NTM: variants seen among roughly 807,000 people sequenced by gnomAD.
NTM encodes IgLON family member 2.
In NTM, 13 loss-of-function variants were observed where a neutral mutation model predicts 42.1. That is an observed-to-expected ratio of 0.31 (90% CI 0.20 to 0.49). The LOEUF (loss-of-function observed/expected upper bound fraction) is 0.49, where lower values mean the gene tolerates loss of function less well. NTM is among the 20% of genes least tolerant of loss of function. The pLI, the probability that NTM is intolerant of heterozygous loss-of-function variation, is 0.99. For synonymous variants in NTM, 187 were observed against 179.2 expected, an observed-to-expected ratio of 1.04 and a Z score of -0.35; for missense variants, 373 against 452.8, an observed-to-expected ratio of 0.82 and a Z score of 1.60.
chr11:131,505,678 A>T, intron 1 of NTM, among the ~76,000 whole-genome samples: 1 of 152,164 alleles, frequency 6.6e-6, no homozygotes, highest in African/African-American at 2.4e-5. Context: ...CAGTGTTCAC[A>T]CTCACGCACA....
chr11:131,530,938 G>A (rs928412080), intron 1 of NTM, among the ~76,000 whole-genome samples: 1 of 152,194 alleles, frequency 6.6e-6, no homozygotes. Flanking sequence ...AGTAGTGGGA[G>A]GTAGGGATGA....
chr11:131,691,920 T>A (rs890787112), intron 1 of NTM, among the ~76,000 whole-genome samples: 1 of 152,128 alleles, frequency 6.6e-6, no homozygotes, highest in Non-Finnish European at 1.5e-5. Context: ...AATGAAGAAG[T>A]TGAACACTAT....
intron 1 of NTM, among the ~76,000 whole-genome samples, chr11:131,751,798 G>A (rs901822365): frequency 7.1e-5 from 8 of 113,058 alleles, no homozygotes; most frequent in Non-Finnish European, 3.2e-5. Context: ...ATTACCATTT[G>A]TAGCTATATA....
At chr11:132,022,772 G>A (rs920334606) in intron 2 of NTM, among the ~76,000 whole-genome samples, 2 of 152,216 alleles carry the variant, frequency 1.3e-5, no homozygotes, top group African/African-American at 4.8e-5. Flanking sequence ...TACAGCAGGA[G>A]GAATCTAAGA....
At chr11:131,910,638 G>T (rs888059041) in intron 1 of NTM, among the ~76,000 whole-genome samples, 1 of 150,510 alleles carries the variant, frequency 6.6e-6, no homozygotes. Flanking sequence ...GGAGGAAGGC[G>T]GCGCGGAGGC....
intron 1 of NTM, among the ~76,000 whole-genome samples, chr11:131,858,579 C>T (rs2046327902): frequency 6.6e-6 from 1 of 152,118 alleles, no homozygotes; most frequent in Admixed American, 6.5e-5. Flanking sequence ...AATATAAAAT[C>T]GGATGGTAAG....
At chr11:131,830,031 AT>A (rs1276940620) in intron 1 of NTM, among the ~76,000 whole-genome samples, 1 of 151,918 alleles carries the variant, frequency 6.6e-6, no homozygotes, top group Non-Finnish European at 1.5e-5. Flanking sequence ...AAATGGGGTT[AT>A]TTTTTGCTTT....
chr11:132,068,382 T>C (rs1266601839), intron 2 of NTM, among the ~76,000 whole-genome samples: 2 of 152,010 alleles, frequency 1.3e-5, no homozygotes, highest in African/African-American at 4.8e-5. Flanking sequence ...AAAGTTTTGC[T>C]TTACACTAAC....
chr11:131,373,948 G>T (rs56229414), intron 1 of NTM, among the ~76,000 whole-genome samples: 2 of 152,120 alleles, frequency 1.3e-5, no homozygotes, highest in Non-Finnish European at 2.9e-5. Flanking sequence ...GGTGGGCGCC[G>T]TTCGGCTGGG....
At chr11:132,033,282 T>G (rs1336083966) in intron 2 of NTM, among the ~76,000 whole-genome samples, 1 of 152,204 alleles carries the variant, frequency 6.6e-6, no homozygotes, top group African/African-American at 2.4e-5. Context: ...ATGTAAGGTT[T>G]TATTTTTGTC....
chr11:131,461,476 A>G (rs558189995), intron 1 of NTM, among the ~76,000 whole-genome samples: 2 of 152,348 alleles, frequency 1.3e-5, no homozygotes, highest in East Asian at 3.9e-4. Flanking sequence ...GAGACCTATG[A>G]ACATGCAGAA....
At chr11:131,882,655 A>G (rs1214788048) in intron 1 of NTM, among the ~76,000 whole-genome samples, 2 of 152,072 alleles carry the variant, frequency 1.3e-5, no homozygotes, top group Non-Finnish European at 2.9e-5. Context: ...TGAGCCTTCC[A>G]TGATGGGAGA....
At chr11:131,963,925 G>T (rs1272775636) in intron 2 of NTM, among the ~76,000 whole-genome samples, 1 of 152,152 alleles carries the variant, frequency 6.6e-6, no homozygotes, top group African/African-American at 2.4e-5. Flanking sequence ...CCAAGCCCAG[G>T]TAGTTTCTGA....
intron 1 of NTM, among the ~76,000 whole-genome samples, chr11:131,718,964 T>C (rs1259849266): frequency 1.3e-5 from 2 of 152,142 alleles, no homozygotes; most frequent in African/African-American, 4.8e-5. Flanking sequence ...TCAGATTGGG[T>C]ATCCCTTTGT....
At chr11:132,234,128 G>T (rs983099840) in intron 4 of NTM, among the ~76,000 whole-genome samples, 2 of 152,162 alleles carry the variant, frequency 1.3e-5, no homozygotes, top group Non-Finnish European at 1.5e-5. Context: ...CTTAACTGGG[G>T]TTAACAAAAA....
At chr11:131,767,485 G>A (rs1440522155) in intron 1 of NTM, among the ~76,000 whole-genome samples, 1 of 152,192 alleles carries the variant, frequency 6.6e-6, no homozygotes, top group Non-Finnish European at 1.5e-5. Flanking sequence ...CCCCCAGTGG[G>A]AAAGTCTTAG....
At chr11:131,652,747 C>T (rs910714257) in intron 1 of NTM, among the ~76,000 whole-genome samples, 1 of 152,190 alleles carries the variant, frequency 6.6e-6, no homozygotes, top group Non-Finnish European at 1.5e-5. Flanking sequence ...TCAATGAAAA[C>T]AAGCAAACCA....
rs1005601507 is a variant in NTM, at chr11:132,324,591, T to C, written c.935-5562T>C. Among the ~76,000 whole-genome samples the C allele has an allele frequency of 1.8e-3, 274 of 149,130 alleles. 2 individuals carry two copies. The highest frequency in any genetic ancestry group is 6.4e-3 in the African/African-American group (255 of 40,050). On this transcript the variant is annotated intron_variant, in intron 7 of 8. Transcript: ENST00000683400. The stretch of plus-strand genomic sequence containing the variant: ...AGAATCAATATCGTGAAAATGGCCA[T>C]ACTGCCCAAGGTAATTTACAGATTC...
intron 2 of NTM, among the ~76,000 whole-genome samples, chr11:132,122,318 G>C (rs1430969865): frequency 6.6e-6 from 1 of 152,210 alleles, no homozygotes; most frequent in East Asian, 1.9e-4. Context: ...TGGAGGGGTA[G>C]ACGTGGATTT....
Sources: gnomAD v4.1 joint callset for allele counts (sites outside exome capture counted in the v4.1 genomes callset) on GRCh38, gnomAD v4.1.1 for gene constraint, MANE v1.5 for transcripts, NCBI Gene and HGNC (gene_info 2026-07-23, HGNC 2026-07-21) for gene names.